PSMB7: variants seen among roughly 807,000 people sequenced by gnomAD.
PSMB7 encodes the protein proteasome subunit beta type-7.
Under a neutral mutation model 28.1 loss-of-function variants are expected in PSMB7, and 5 were observed. The ratio of observed to expected loss-of-function variants is 0.18; its 90% CI spans 0.09 to 0.37. PSMB7 has a LOEUF of 0.37. PSMB7 is among the 10% of genes least tolerant of loss of function. The pLI is 1.00. For synonymous variants in PSMB7, 122 were observed against 123.7 expected, an observed-to-expected ratio of 0.99 and a Z score of 0.09; for missense variants, 275 against 346.2, an observed-to-expected ratio of 0.79 and a Z score of 1.63.
At chr9:124,397,447 C>A (rs922579191) in intron 5 of PSMB7, among the ~76,000 whole-genome samples, 1 of 152,200 alleles carries the variant, frequency 6.6e-6, no homozygotes, top group African/African-American at 2.4e-5. Flanking sequence ...TGCAGATCAG[C>A]TGTGCCTCAA....
intron 5 of PSMB7, among the ~76,000 whole-genome samples, chr9:124,394,343 CA>C (rs986660892): frequency 1.3e-5 from 2 of 152,200 alleles, no homozygotes; most frequent in African/African-American, 4.8e-5. Context: ...AGCACTAGGT[CA>C]TAAGCATATA....
intron 6 of PSMB7, among the ~76,000 whole-genome samples, chr9:124,365,321 G>C (rs150146118): frequency 3.3e-5 from 5 of 152,212 alleles, no homozygotes; most frequent in African/African-American, 1.2e-4. Flanking sequence ...CACGGGTCTC[G>C]TGGGGTGCAG....
At chr9:124,391,623 T>A (rs919245063) in intron 5 of PSMB7, among the ~76,000 whole-genome samples, 18 of 142,704 alleles carry the variant, frequency 1.3e-4, no homozygotes, top group Admixed American at 1.2e-3. Flanking sequence ...TATAACAGCA[T>A]TTATTTTAAA....
chr9:124,381,677 T>G (rs1277219742), intron 6 of PSMB7, among the ~76,000 whole-genome samples: 1 of 152,230 alleles, frequency 6.6e-6, no homozygotes, highest in Non-Finnish European at 1.5e-5. Flanking sequence ...TTTGTTGTTA[T>G]GAGTTCTATA....
chr9:124,358,065 CG>C (rs1564674551), intron 6 of PSMB7, among the ~76,000 whole-genome samples: 3 of 152,198 alleles, frequency 2.0e-5, no homozygotes, highest in African/African-American at 7.2e-5. Context: ...TGTGCTACGG[CG>C]CCTTCCCAGT....
chr9:124,373,881 A>C (rs1476286407), intron 6 of PSMB7, among the ~76,000 whole-genome samples: 1 of 152,224 alleles, frequency 6.6e-6, no homozygotes, highest in African/African-American at 2.4e-5. Flanking sequence ...TGACCTGGCA[A>C]TCTTGCTCCT....
At chr9:124,377,666 T>C (rs567741217) in intron 6 of PSMB7, among the ~76,000 whole-genome samples, 144 of 152,376 alleles carry the variant, frequency 9.5e-4, no homozygotes, top group African/African-American at 3.3e-3. Context: ...TTTAGGGCGA[T>C]AGCTGCTCAC....
intron 5 of PSMB7, among the ~76,000 whole-genome samples, chr9:124,398,667 C>T (rs1245375904): frequency 1.3e-5 from 2 of 152,280 alleles, no homozygotes; most frequent in East Asian, 3.9e-4. Context: ...AAGTGCCCTT[C>T]GGGAATCTGT....
At chr9:124,385,699 G>A (rs902063938) in intron 5 of PSMB7, among the ~76,000 whole-genome samples, 2 of 152,168 alleles carry the variant, frequency 1.3e-5, no homozygotes, top group Admixed American at 6.5e-5. Context: ...AATGATTTGT[G>A]TACATCGCTT....
chr9:124,400,237 A>G (rs1830887338), intron 5 of PSMB7, among the ~76,000 whole-genome samples: 1 of 151,630 alleles, frequency 6.6e-6, no homozygotes, highest in Admixed American at 6.6e-5. Context: ...GCAAATTCCT[A>G]CTCATCCCTC....
At chr9:124,411,698 A>G (rs1488226801) in intron 4 of PSMB7, among the ~76,000 whole-genome samples, 1 of 152,224 alleles carries the variant, frequency 6.6e-6, no homozygotes, top group Non-Finnish European at 1.5e-5. Flanking sequence ...AAAACTACTA[A>G]TATGAGCTGT....
chr9:124,395,651 C>A (rs1172456282), intron 5 of PSMB7, among the ~76,000 whole-genome samples: 2 of 152,158 alleles, frequency 1.3e-5, no homozygotes, highest in African/African-American at 2.4e-5. Flanking sequence ...AGCGTGCACA[C>A]ATAAAACGCG....
rs1193666924 is a variant in PSMB7, at chr9:124,384,585, G to A, written c.570+13C>T. 1.3e-6 allele frequency: 2 copies of A among 1,598,774 alleles called. No individual in the cohort carries two copies. Among genetic ancestry groups the A allele is most frequent in the Non-Finnish European group, 1.7e-6 (2 of 1,174,764 alleles). On this transcript the variant is annotated intron_variant, in intron 6 of 7. Coordinates refer to ENST00000259457, the MANE Select transcript of PSMB7 (RefSeq NM_002799.4). ...ATCTTTGAAAAAGAATAAAACTGCA[G>A]GGACTTACATACCTCCATGTCTGGC...
intron 5 of PSMB7, among the ~76,000 whole-genome samples, chr9:124,403,941 T>C (rs927250385): frequency 6.6e-6 from 1 of 151,090 alleles, no homozygotes. Flanking sequence ...GCCCAAGATG[T>C]AGTACAATGG....
intron 5 of PSMB7, among the ~76,000 whole-genome samples, chr9:124,403,516 A>G (rs1032887055): frequency 3.3e-5 from 5 of 152,188 alleles, no homozygotes; most frequent in Admixed American, 6.5e-5. Flanking sequence ...GCAGAGTGAG[A>G]GCCTGTCAAA....
In PSMB7 at chr9:124,414,848, G is replaced by C; in HGVS notation, c.150C>G (p.Val50=). 2 of 1,613,788 alleles carry C rather than the reference G, an allele frequency of 1.2e-6. No individual in the cohort carries two copies. Among genetic ancestry groups the C allele is most frequent in the South Asian group, 1.1e-5 (1 of 91,052 alleles). The change falls in exon 2 of 8, where the codon GTC becomes GTG. Residue 50 remains valine, a synonymous_variant. Coordinates refer to ENST00000259457, the MANE Select transcript of PSMB7 (RefSeq NM_002799.4). The part of the protein sequence containing the change: ...RKTGTTIAGV[V]YKDGIVLGAD... ...TTAGCCTAACCCGGCTTACCTTATA[G>C]ACCACCCCAGCGATGGTCGTGCCAG...
At chr9:124,375,337 T>C (rs528944726) in intron 6 of PSMB7, among the ~76,000 whole-genome samples, 6 of 151,562 alleles carry the variant, frequency 4.0e-5, no homozygotes, top group African/African-American at 1.5e-4. Flanking sequence ...ATTTTTTCTG[T>C]TTTTTTTGTA....
chr9:124,376,368 G>C (rs1005110492), intron 6 of PSMB7, among the ~76,000 whole-genome samples: 1 of 151,776 alleles, frequency 6.6e-6, no homozygotes, highest in Non-Finnish European at 1.5e-5. Context: ...AAGCTATTTA[G>C]GGTGGAGGGC....
At chr9:124,394,759 A>G (rs536665872) in intron 5 of PSMB7, among the ~76,000 whole-genome samples, 1 of 152,310 alleles carries the variant, frequency 6.6e-6, no homozygotes, top group South Asian at 2.1e-4. Context: ...TTTTAGAAGT[A>G]AGTATTTTCT....
Sources: gnomAD v4.1 joint callset for allele counts (sites outside exome capture counted in the v4.1 genomes callset) on GRCh38, gnomAD v4.1.1 for gene constraint, MANE v1.5 for transcripts, NCBI Gene and HGNC (gene_info 2026-07-23, HGNC 2026-07-21) for gene names.